The following SOX5 variants were observed in gnomAD, a reference collection of about 807,000 sequenced individuals.
SOX5 encodes the protein SRY-box transcription factor 5.
Under a neutral mutation model 92.0 loss-of-function variants are expected in SOX5, and 9 were observed. The observed-to-expected ratio is 0.10, with a 90% CI of 0.06 to 0.17. The LOEUF (loss-of-function observed/expected upper bound fraction) is 0.17. SOX5 is among the 10% of genes least tolerant of loss of function. The pLI is 1.00. For synonymous variants in SOX5, 344 were observed against 336.3 expected, an observed-to-expected ratio of 1.02 and a Z score of -0.25; for missense variants, 642 against 944.5, an observed-to-expected ratio of 0.68 and a Z score of 4.20.
At chr12:24,438,658 A>G (rs569535915) in intron 1 of SOX5, among the ~76,000 whole-genome samples, 48 of 152,352 alleles carry the variant, frequency 3.2e-4, no homozygotes, top group African/African-American at 1.1e-3. Flanking sequence ...GACTTTGGCC[A>G]TGGTTCAAGA....
At chr12:24,302,912 TA>T (rs1948143970) in intron 2 of SOX5, among the ~76,000 whole-genome samples, 1 of 152,002 alleles carries the variant, frequency 6.6e-6, no homozygotes, top group East Asian at 1.9e-4. Context: ...ACATTAGTTA[TA>T]GGGGAAAAAC....
At chr12:24,360,585 A>T (rs547051517) in intron 2 of SOX5, among the ~76,000 whole-genome samples, 1 of 152,306 alleles carries the variant, frequency 6.6e-6, no homozygotes, top group East Asian at 1.9e-4. Flanking sequence ...GTTTAAGCAA[A>T]TATTCTGACC....
At chr12:23,764,634 CTTTGT>C (rs1298386361) in intron 3 of SOX5, among the ~76,000 whole-genome samples, 3 of 151,948 alleles carry the variant, frequency 2.0e-5, no homozygotes, top group Non-Finnish European at 4.4e-5. Context: ...CACATAATCA[CTTTGT>C]GTAATTGGAT....
intron 4 of SOX5, among the ~76,000 whole-genome samples, chr12:24,034,743 C>T (rs1410783085): frequency 6.6e-6 from 1 of 151,966 alleles, no homozygotes; most frequent in Non-Finnish European, 1.5e-5. Context: ...ACGTATTATA[C>T]TTACCTAACA....
intron 6 of SOX5, among the ~76,000 whole-genome samples, chr12:23,726,719 A>G (rs1342044040): frequency 1.3e-5 from 2 of 152,166 alleles, no homozygotes; most frequent in African/African-American, 4.8e-5. Flanking sequence ...GTTTGGGAAG[A>G]GGTTGAAAAG....
At chr12:23,793,413 C>T (rs976582573) in intron 3 of SOX5, among the ~76,000 whole-genome samples, 1 of 152,018 alleles carries the variant, frequency 6.6e-6, no homozygotes, top group Non-Finnish European at 1.5e-5. Flanking sequence ...GCTTTATTTA[C>T]CCAGAAGGTA....
At chr12:23,758,393 T>TTC (rs1162356156) in intron 3 of SOX5, among the ~76,000 whole-genome samples, 2 of 151,352 alleles carry the variant, frequency 1.3e-5, no homozygotes, top group Admixed American at 6.6e-5. Flanking sequence ...ACTAAGTTTT[T>TTC]TTTTTTTTTC....
intron 8 of SOX5, among the ~76,000 whole-genome samples, chr12:23,616,842 G>A (rs2076613968): frequency 6.6e-6 from 1 of 152,150 alleles, no homozygotes; most frequent in African/African-American, 2.4e-5. Flanking sequence ...GTTAGTGACT[G>A]TCTGCTGAGG....
chr12:23,684,617 C>T (rs1555259510), intron 6 of SOX5, among the ~76,000 whole-genome samples: 1 of 151,954 alleles, frequency 6.6e-6, no homozygotes, highest in African/African-American at 2.4e-5. Flanking sequence ...AAATATAGGC[C>T]TATAGAAAAA....
intron 8 of SOX5, among the ~76,000 whole-genome samples, chr12:23,634,244 C>T (rs369861693): frequency 1.3e-4 from 19 of 151,804 alleles, no homozygotes; most frequent in South Asian, 8.3e-4. Context: ...CCTTGTGGGG[C>T]GGTACATTTG....
At chr12:23,565,941 G>C (rs1241307352) in intron 10 of SOX5, among the ~76,000 whole-genome samples, 1 of 152,120 alleles carries the variant, frequency 6.6e-6, no homozygotes, top group Non-Finnish European at 1.5e-5. Context: ...ATTTTGCAAA[G>C]AGCAGCAAGG....
At chr12:23,844,057 G>A (rs1405592850) in intron 3 of SOX5, among the ~76,000 whole-genome samples, 1 of 152,156 alleles carries the variant, frequency 6.6e-6, no homozygotes, top group Non-Finnish European at 1.5e-5. Flanking sequence ...CTAACCTACT[G>A]AACATCATAA....
intron 4 of SOX5, among the ~76,000 whole-genome samples, chr12:24,169,428 A>G (rs886799838): frequency 1.3e-5 from 2 of 152,342 alleles, no homozygotes; most frequent in East Asian, 1.9e-4. Flanking sequence ...GCTGTTATAT[A>G]GTAAATTCTC....
chr12:23,883,012 T>C (rs1021286431), intron 2 of SOX5, among the ~76,000 whole-genome samples: 1 of 151,956 alleles, frequency 6.6e-6, no homozygotes, highest in African/African-American at 2.4e-5. Flanking sequence ...AAACCCCGTC[T>C]CTACTAAAAA....
intron 4 of SOX5, among the ~76,000 whole-genome samples, chr12:24,193,187 A>C (rs1956695195): frequency 6.6e-6 from 1 of 152,218 alleles, no homozygotes; most frequent in Non-Finnish European, 1.5e-5. Flanking sequence ...ATAAACAAAA[A>C]CAGAACCTGC....
intron 4 of SOX5, among the ~76,000 whole-genome samples, chr12:24,148,027 C>T (rs1278521900): frequency 6.6e-6 from 1 of 152,062 alleles, no homozygotes; most frequent in Non-Finnish European, 1.5e-5. Flanking sequence ...ATAAAAACTC[C>T]TAGAGTTTTT....
chr12:24,330,923 AAAGC>A (rs1951231780), intron 2 of SOX5, among the ~76,000 whole-genome samples: 2 of 152,346 alleles, frequency 1.3e-5, no homozygotes, highest in East Asian at 3.9e-4. Context: ...TGGAAGATGG[AAAGC>A]AGACGGAGTT....
intron 2 of SOX5, among the ~76,000 whole-genome samples, chr12:23,888,004 A>G (rs1053935840): frequency 2.7e-5 from 4 of 150,916 alleles, no homozygotes; most frequent in African/African-American, 9.7e-5. Context: ...TTTCAAGTTA[A>G]TTTATTTTGA....
intron 7 of SOX5, among the ~76,000 whole-genome samples, chr12:23,644,294 AG>A (rs2080534823): frequency 1.3e-5 from 2 of 152,214 alleles, no homozygotes; most frequent in African/African-American, 4.8e-5. Context: ...GATTCTACCC[AG>A]GCCAAGCCTA....
Sources: allele counts gnomAD v4.1 joint callset (sites outside exome capture counted in the v4.1 genomes callset), GRCh38; gene constraint gnomAD v4.1.1; transcripts MANE v1.5; gene names NCBI Gene and HGNC (gene_info 2026-07-23, HGNC 2026-07-21).